RANBP9: variants seen among roughly 807,000 people sequenced by gnomAD.
The protein encoded by RANBP9 is ran-binding protein 9.
Under a neutral mutation model 84.3 loss-of-function variants are expected in RANBP9, and 15 were observed. The ratio of observed to expected loss-of-function variants is 0.18; its 90% CI spans 0.12 to 0.27. The LOEUF is 0.27. RANBP9 is among the 10% of genes least tolerant of loss of function. The pLI is 1.00. For synonymous variants in RANBP9, 392 were observed against 349.6 expected (o/e 1.12, Z -1.35); for missense variants, 809 against 912.8 (o/e 0.89, Z 1.46).
At chr6:13,623,705 A>T (rs1315800198) in intron 13 of RANBP9, among the ~76,000 whole-genome samples, 1 of 152,224 alleles carries the variant, frequency 6.6e-6, no homozygotes, top group East Asian at 1.9e-4. Context: ...ATGGACCTAC[A>T]TAATATAGCA....
In RANBP9 at chr6:13,629,874, ATC is replaced by A. The variant is rs370810603; in HGVS notation, c.1947+2494_1947+2495del. Among the ~76,000 whole-genome samples the A allele has an allele frequency of 4.7e-3, 652 of 137,730 alleles. 12 individuals are homozygous for A. Among genetic ancestry groups the A allele is most frequent in the African/African-American group, 0.016 (603 of 37,074 alleles). The allele number at this position is 137,730 out of a possible 152,430, so 90.4% of individuals were successfully genotyped here. The stretch of plus-strand genomic sequence containing the variant: ...CCTTCAACATTAATCAAATCTCTCA[ATC>A]TCTCTCTCTCATGTCTCTGTCTCTC... On this transcript the variant is annotated intron_variant, in intron 12 of 13. Transcript: ENST00000011619.
intron 2 of RANBP9, among the ~76,000 whole-genome samples, chr6:13,668,846 C>T (rs1023944611): frequency 2.6e-5 from 4 of 152,074 alleles, no homozygotes; most frequent in African/African-American, 9.7e-5. Context: ...TGTCTTCTCT[C>T]ACCACTTCTA....
At position 13,681,494 on chromosome 6, in the gene RANBP9, T is replaced by G. The variant is rs147572624; in HGVS notation, c.683+15291A>C. Among the ~76,000 whole-genome samples the G allele has an allele frequency of 3.3e-3, 505 of 152,248 alleles. 2 individuals are homozygous for G. The highest frequency in any genetic ancestry group is 0.012 in the African/African-American group (491 of 41,534). The stretch of plus-strand genomic sequence containing the variant: ...AGAGGTTACTAGCTAATTTCATTAT[T>G]GCTCACAATACAAGAGTACCTTAAA... On this transcript the variant is annotated intron_variant, in intron 2 of 13. Transcript: ENST00000011619.
chr6:13,626,738 A>C (rs1262615179), intron 12 of RANBP9, among the ~76,000 whole-genome samples: 1 of 152,204 alleles, frequency 6.6e-6, no homozygotes, highest in Admixed American at 6.5e-5. Flanking sequence ...CTTTGAAAAT[A>C]CTGACTACTG....
chr6:13,704,016 C>G (rs1461514114), intron 1 of RANBP9, among the ~76,000 whole-genome samples: 2 of 152,168 alleles, frequency 1.3e-5, no homozygotes, highest in African/African-American at 4.8e-5. Context: ...GAGTTGGAAA[C>G]CCAAACATTT....
chr6:13,685,658 G>C (rs570838084), intron 2 of RANBP9, among the ~76,000 whole-genome samples: 1 of 152,072 alleles, frequency 6.6e-6, no homozygotes, highest in South Asian at 2.1e-4. Flanking sequence ...GGCCGGGCGC[G>C]GTGGCTCACA....
chr6:13,658,524 C>T (rs1318572698), intron 3 of RANBP9, among the ~76,000 whole-genome samples: 2 of 152,120 alleles, frequency 1.3e-5, no homozygotes, highest in South Asian at 2.1e-4. Context: ...GCAGGAAAAC[C>T]GCTTGATCCC....
intron 1 of RANBP9, among the ~76,000 whole-genome samples, chr6:13,704,572 A>G (rs1758052582): frequency 6.6e-6 from 1 of 151,944 alleles, no homozygotes; most frequent in Admixed American, 6.6e-5. Flanking sequence ...CAGAGGTTGC[A>G]GTGAGCCTAG....
intron 1 of RANBP9, among the ~76,000 whole-genome samples, chr6:13,701,646 T>G (rs1475537088): frequency 6.6e-6 from 1 of 151,876 alleles, no homozygotes; most frequent in South Asian, 2.1e-4. Context: ...GGTGCGCAAC[T>G]GTATTCCCAG....
intron 5 of RANBP9, among the ~76,000 whole-genome samples, chr6:13,648,478 A>G (rs1057320303): frequency 6.6e-6 from 1 of 152,258 alleles, no homozygotes; most frequent in East Asian, 1.9e-4. Flanking sequence ...AGGTTCATCC[A>G]TGCAGCAGGT....
chr6:13,642,677 G>A (rs1342504227), intron 6 of RANBP9, 86 bp from the exon 7 acceptor site: 11 of 915,048 alleles, frequency 1.2e-5, no homozygotes, highest in Non-Finnish European at 1.7e-5. Context: ...AATCTATTCT[G>A]GTGTTATAAA....
intron 9 of RANBP9, among the ~76,000 whole-genome samples, chr6:13,639,249 G>T (rs1000991953): frequency 1.3e-5 from 2 of 152,196 alleles, no homozygotes; most frequent in African/African-American, 4.8e-5. Context: ...CGTGATCTCA[G>T]CTCACTGCAA....
chr6:13,686,224 C>A (rs769048658), intron 2 of RANBP9, among the ~76,000 whole-genome samples: 12 of 149,872 alleles, frequency 8.0e-5, no homozygotes, highest in Non-Finnish European at 1.5e-4. Flanking sequence ...CCTGGCTCAG[C>A]CTCTCATATA....
At chr6:13,656,355 AAAAC>A in intron 4 of RANBP9, among the ~76,000 whole-genome samples, 1 of 152,040 alleles carries the variant, frequency 6.6e-6, no homozygotes, top group Non-Finnish European at 1.5e-5. Context: ...CTTTTTTTAT[AAAAC>A]AAAAAGCATC....
At chr6:13,650,114 C>T (rs974490371) in intron 5 of RANBP9, among the ~76,000 whole-genome samples, 4 of 151,376 alleles carry the variant, frequency 2.6e-5, no homozygotes, top group Non-Finnish European at 5.9e-5. Flanking sequence ...CTCATTCCAT[C>T]ACTATTTACT....
At chr6:13,645,086 A>G (rs1024694567) in intron 5 of RANBP9, among the ~76,000 whole-genome samples, 3 of 152,226 alleles carry the variant, frequency 2.0e-5, no homozygotes, top group Admixed American at 2.0e-4. Flanking sequence ...CTATAAACAC[A>G]TAACTCAGGT....
At chr6:13,638,727 A>G (rs187480238) in intron 9 of RANBP9, among the ~76,000 whole-genome samples, 2 of 152,240 alleles carry the variant, frequency 1.3e-5, no homozygotes. Context: ...AAAGCCAAGA[A>G]AGGAGAGAAT....
chr6:13,685,857 G>C (rs939852654), intron 2 of RANBP9, among the ~76,000 whole-genome samples: 1 of 151,422 alleles, frequency 6.6e-6, no homozygotes, highest in Non-Finnish European at 1.5e-5. Context: ...CTTGAACCTG[G>C]GAAGCAGAGA....
At chr6:13,699,567 G>T (rs1757917163) in intron 1 of RANBP9, among the ~76,000 whole-genome samples, 1 of 152,164 alleles carries the variant, frequency 6.6e-6, no homozygotes, top group East Asian at 1.9e-4. Context: ...ATGTTTCATT[G>T]GGCATTTCCT....
Sources: gnomAD v4.1 joint callset for allele counts (sites outside exome capture counted in the v4.1 genomes callset) on GRCh38, gnomAD v4.1.1 for gene constraint, MANE v1.5 for transcripts, NCBI Gene and HGNC (gene_info 2026-07-23, HGNC 2026-07-21) for gene names.